ASS1: variants seen among roughly 807,000 people sequenced by gnomAD.
ASS1 encodes argininosuccinate synthase 1.
In ASS1, 58 loss-of-function variants were observed where a neutral mutation model predicts 60.5. The observed-to-expected ratio is 0.96, with a 90% CI of 0.78 to 1.19. The LOEUF (loss-of-function observed/expected upper bound fraction) is 1.19, where lower values mean the gene tolerates loss of function less well. ASS1 is among the 50% of genes most tolerant of loss of function. The pLI, the probability that ASS1 is intolerant of heterozygous loss-of-function variation, is 0.00. For missense variants in ASS1, 454 were observed against 547.3 expected (o/e 0.83, Z 1.70); for synonymous variants, 200 against 206.9 (o/e 0.97, Z 0.29).
At chr9:130,481,986 G>A (rs1411770472) in intron 11 of ASS1, among the ~76,000 whole-genome samples, 1 of 152,114 alleles carries the variant, frequency 6.6e-6, no homozygotes, top group Non-Finnish European at 1.5e-5. Context: ...GAGCCAGCGC[G>A]GTGTGCACCC....
chr9:130,452,164 G>T, intron 1 of ASS1, 60 bp from the exon 2 acceptor site: 1 of 1,451,828 alleles, frequency 6.9e-7, no homozygotes, highest in Non-Finnish European at 9.6e-7. Context: ...TGTCTGCAGG[G>T]GCTGGCGGGG....
rs1298860694 is a variant in ASS1, at chr9:130,495,621, G to T, written c.1127+598G>T. Among the ~76,000 whole-genome samples the T allele has an allele frequency of 2.6e-5, 4 of 152,002 alleles. No homozygotes were observed. The East Asian group carries it at 7.7e-4, about 29-fold the overall frequency. On this transcript the variant is annotated intron_variant, in intron 13 of 14. Coordinates refer to ENST00000352480, the MANE Select transcript of ASS1 (RefSeq NM_054012.4). ...GGGCAAAAGTGGCCAGGGGGAAGGAGCTGAAGCTAGATCTTAAAGGGAAGG... is the reference window on the plus strand; with the variant it reads ...GGGCAAAAGTGGCCAGGGGGAAGGATCTGAAGCTAGATCTTAAAGGGAAGG...
At chr9:130,479,869 T>TG in intron 10 of ASS1, 69 bp downstream of exon 10, 1 of 1,493,194 alleles carries the variant, frequency 6.7e-7, no homozygotes, top group Non-Finnish European at 9.3e-7. Flanking sequence ...CCTGGACCGT[T>TG]GCAGCTAATG....
chr9:130,464,571 C>T (rs1845681780), intron 5 of ASS1, among the ~76,000 whole-genome samples: 1 of 152,154 alleles, frequency 6.6e-6, no homozygotes, highest in Non-Finnish European at 1.5e-5. Context: ...GCTCAGAGCC[C>T]TCCGAGCCCC....
chr9:130,483,865 C>T (rs1476859034), intron 11 of ASS1, among the ~76,000 whole-genome samples: 1 of 149,224 alleles, frequency 6.7e-6, no homozygotes, highest in African/African-American at 2.5e-5. Context: ...CTCCCCATTC[C>T]CCACTCTCCC....
At chr9:130,493,415 T>A (rs1199434949) in intron 12 of ASS1, among the ~76,000 whole-genome samples, 4 of 152,334 alleles carry the variant, frequency 2.6e-5, no homozygotes, top group African/African-American at 9.6e-5. Context: ...ACAGGGAGGT[T>A]AATCACTTGT....
At chr9:130,462,490 C>T (rs938582152) in intron 4 of ASS1, among the ~76,000 whole-genome samples, 2 of 152,050 alleles carry the variant, frequency 1.3e-5, no homozygotes, top group Non-Finnish European at 2.9e-5. Flanking sequence ...ACCAAGGAAG[C>T]GTTTGTTTGG....
chr9:130,457,988 G>A (rs778181038), intron 3 of ASS1, among the ~76,000 whole-genome samples: 11 of 151,964 alleles, frequency 7.2e-5, no homozygotes, highest in African/African-American at 9.7e-5. Flanking sequence ...GTGAAACCCC[G>A]TCTCTACCAA....
intron 10 of ASS1, 59 bp from the exon 11 acceptor site, chr9:130,480,326 G>C: frequency 6.3e-7 from 1 of 1,599,436 alleles, no homozygotes; most frequent in South Asian, 1.1e-5. Context: ...GCCCAGCTGG[G>C]TGGGTGACTC....
intron 1 of ASS1, among the ~76,000 whole-genome samples, chr9:130,446,136 A>G (rs1175042372): frequency 6.6e-6 from 1 of 152,144 alleles, no homozygotes; most frequent in African/African-American, 2.4e-5. Context: ...TACAGGCTCG[A>G]GCCACCCAAA....
At chr9:130,472,218 G>A (rs529474823) in intron 8 of ASS1, among the ~76,000 whole-genome samples, 3 of 152,164 alleles carry the variant, frequency 2.0e-5, no homozygotes, top group South Asian at 2.1e-4. Context: ...GTTTGGAGGC[G>A]GGAAAAGTGT....
rs942665679 is a variant in ASS1, at chr9:130,501,129, A to C, written c.*108A>C. On this transcript the variant is annotated 3_prime_UTR_variant, in exon 15 of 15. Transcript: ENST00000352480. ...TTGTGACTTGTTCTCCCCGGCTGGC[A>C]GCGTAGTGGGGCTGCCAGGCCCCAG... The C allele has an allele frequency of 7.7e-6, 10 of 1,294,710 alleles. No homozygotes were observed. The highest frequency in any genetic ancestry group is 3.4e-5 in the Admixed American group (2 of 58,856). The allele number at this position is 1,294,710 out of a possible 1,614,324, so 80.2% of individuals were successfully genotyped here.
intron 8 of ASS1, among the ~76,000 whole-genome samples, chr9:130,474,411 C>T (rs971569265): frequency 2.0e-5 from 3 of 151,960 alleles, no homozygotes; most frequent in African/African-American, 7.3e-5. Flanking sequence ...GGAAGTGTGG[C>T]GGGAGAGAAA....
Position 130,452,214 on chromosome 9 carries a change from C to G in ASS1, c.-5-10C>G, listed in dbSNP as rs375136377. The G allele has an allele frequency of 6.8e-6, 11 of 1,613,274 alleles. No individual in the cohort carries two copies. The highest frequency in any genetic ancestry group is 9.3e-6 in the Non-Finnish European group (11 of 1,179,450). Reference sequence around the variant, plus strand: ...CAGGGTCACTCAGGTTGTTCCTCGACTCCCGCCAGACGCTATGTCCAGCAA... The same window carrying G: ...CAGGGTCACTCAGGTTGTTCCTCGAGTCCCGCCAGACGCTATGTCCAGCAA... On this transcript the variant is annotated splice_polypyrimidine_tract_variant and intron_variant, in intron 1 of 14. Transcript: ENST00000352480.
rs576636333 is a variant in ASS1, at chr9:130,466,761, C to A, written c.457C>A (p.Arg153=). 3.2e-5 allele frequency: 51 copies of A among 1,614,166 alleles called. No homozygotes were observed. The South Asian group carries it at 4.7e-4, about 15-fold the overall frequency. ...APWRMPEFYN[R]FKGRNDLMEY... ...CTGGAGGATGCCTGAATTCTACAAC[C>A]GGTTCAAGGGCCGCAATGACCTGAT... Residue 153 remains arginine, a synonymous_variant, in exon 6 of 15, where the codon CGG becomes AGG. Coordinates refer to ENST00000352480, the MANE Select transcript of ASS1 (RefSeq NM_054012.4).
At chr9:130,500,718 A>G (rs922980684) in intron 14 of ASS1, among the ~76,000 whole-genome samples, 15 of 152,086 alleles carry the variant, frequency 9.9e-5, no homozygotes, top group Non-Finnish European at 4.4e-5. Flanking sequence ...TGGCCTCTTC[A>G]TTTCTCCTAT....
chr9:130,484,338 T>G (rs506626), intron 11 of ASS1, among the ~76,000 whole-genome samples: 1 of 152,128 alleles, frequency 6.6e-6, no homozygotes, highest in Non-Finnish European at 1.5e-5. Flanking sequence ...CAGGGACAGA[T>G]GAGAAGAATT....
At chr9:130,449,342 GAAAAAA>G (rs55853169) in intron 1 of ASS1, among the ~76,000 whole-genome samples, 2 of 91,538 alleles carry the variant, frequency 2.2e-5, no homozygotes, top group African/African-American at 8.9e-5. Flanking sequence ...GACCCTGTCT[GAAAAAA>G]AAAAAAAAAA....
rs1029484845 is a variant in ASS1, at chr9:130,466,449, G to T, written c.421-276G>T. ...TTCAAACTCTCAGGTCTCATCTGGG[G>T]AGACTGAGGCCCAGGGAACAGGGAC... On this transcript the variant is annotated intron_variant, in intron 5 of 14. Transcript: ENST00000352480. 2.0e-5 allele frequency: 11 copies of T among 541,476 alleles called. No individual in the cohort carries two copies. In the Admixed American group the frequency reaches 3.1e-4, roughly 15 times the overall value. 33.5% of individuals were successfully genotyped at this position (541,476 alleles called of 1,614,324 possible).
Sources: allele counts gnomAD v4.1 joint callset (sites outside exome capture counted in the v4.1 genomes callset), GRCh38; gene constraint gnomAD v4.1.1; transcripts MANE v1.5; gene names NCBI Gene and HGNC (gene_info 2026-07-23, HGNC 2026-07-21).